ESRRB: variants seen among roughly 807,000 people sequenced by gnomAD.
ESRRB encodes steroid hormone receptor ERR2.
A neutral mutation model predicts 46.0 loss-of-function variants in ESRRB; 16 were observed. The ratio of observed to expected loss-of-function variants is 0.35; its 90% CI spans 0.24 to 0.53. The LOEUF (loss-of-function observed/expected upper bound fraction) is 0.53. Ranked by LOEUF, ESRRB falls within the 20% of genes least tolerant of loss-of-function variation. The pLI is 0.93. For missense variants in ESRRB, 488 were observed against 607.4 expected, an observed-to-expected ratio of 0.80 and a Z score of 2.07; for synonymous variants, 246 against 259.6, an observed-to-expected ratio of 0.95 and a Z score of 0.50.
rs376300660 is a variant in ESRRB, at chr14:76,439,671, C to T, written c.381C>T (p.Cys127=). 5 of 1,614,094 alleles carry T rather than the reference C, an allele frequency of 3.1e-6. No homozygotes were observed. Among genetic ancestry groups the T allele is most frequent in the Middle Eastern group, 1.6e-4 (1 of 6,084 alleles). Residue 127 remains cysteine (C), a synonymous_variant, in exon 2 of 7, where the codon TGC becomes TGT. Coordinates refer to ENST00000644823, the MANE Select transcript of ESRRB (RefSeq NM_001379180.1). ...NAIPKRLCLV[C]GDIASGYHYG... ...TCCCCAAGCGCCTGTGCCTCGTGTGCGGGGACATTGCCTCTGGCTACCACT... is the reference window on the plus strand; with the variant it reads ...TCCCCAAGCGCCTGTGCCTCGTGTGTGGGGACATTGCCTCTGGCTACCACT...
intron 1 of ESRRB, among the ~76,000 whole-genome samples, chr14:76,325,483 CTT>C (rs1021477227): frequency 3.9e-5 from 6 of 152,112 alleles, no homozygotes; most frequent in Admixed American, 1.3e-4. Flanking sequence ...AGAAGGGAAA[CTT>C]ATATTGCTGA....
chr14:76,389,020 C>G (rs748379), intron 1 of ESRRB, among the ~76,000 whole-genome samples: 36,179 of 152,038 alleles, frequency 0.24, 4,417 homozygotes, highest in South Asian at 0.27. Context: ...CCTCATGTCT[C>G]TTTAGGCAGG....
intron 5 of ESRRB, among the ~76,000 whole-genome samples, chr14:76,485,159 T>C (rs777771024): frequency 6.6e-6 from 1 of 151,612 alleles, no homozygotes; most frequent in Non-Finnish European, 1.5e-5. Context: ...GTGTTTAAGG[T>C]AAAATTAATT....
intron 1 of ESRRB, among the ~76,000 whole-genome samples, chr14:76,414,558 C>T (rs1595094107): frequency 2.0e-5 from 3 of 150,626 alleles, no homozygotes; most frequent in East Asian, 2.0e-4. Flanking sequence ...TCTTCGCTTG[C>T]TCTAGTGACC....
rs74894758 is a variant in ESRRB, at chr14:76,326,087, C to T, written c.2+15171C>T. Reference sequence around the variant, plus strand: ...CATCCACCACTGACTGCAATCATATCTGTGCTCAGGGACCCATGCGTTCTC... The same window carrying T: ...CATCCACCACTGACTGCAATCATATTTGTGCTCAGGGACCCATGCGTTCTC... On this transcript the variant is annotated intron_variant, in intron 1 of 6. Transcript: ENST00000512784. Among the ~76,000 whole-genome samples the T allele has an allele frequency of 7.9e-3, 1,197 of 152,332 alleles. 21 individuals are homozygous for T. Among genetic ancestry groups the T allele is most frequent in the African/African-American group, 0.027 (1,126 of 41,564 alleles).
At chr14:76,402,488 C>T (rs980202510) in intron 1 of ESRRB, among the ~76,000 whole-genome samples, 4 of 152,184 alleles carry the variant, frequency 2.6e-5, no homozygotes, top group African/African-American at 9.7e-5. Context: ...GCCATGATGC[C>T]TGTTGAATCC....
chr14:76,356,961 A>C (rs945868724), intron 1 of ESRRB, among the ~76,000 whole-genome samples: 7 of 152,064 alleles, frequency 4.6e-5, no homozygotes, highest in African/African-American at 1.7e-4. Context: ...TCCTCTGAGG[A>C]TCCTCAGGGA....
chr14:76,500,002 G>A lies in ESRRB; in HGVS notation c.*1544G>A, dbSNP rs1449762208. The A allele has an allele frequency of 1.3e-6, 2 of 1,574,640 alleles. No individual in the cohort carries two copies. The highest frequency in any genetic ancestry group is 8.6e-7 in the Non-Finnish European group (1 of 1,159,158). ...GGGATCCCCAATCCACGCCCTTCTAGTCCAACCCCCCTCAATGAGAGAGGC... is the reference window on the plus strand; with the variant it reads ...GGGATCCCCAATCCACGCCCTTCTAATCCAACCCCCCTCAATGAGAGAGGC... On this transcript the variant is annotated 3_prime_UTR_variant, in exon 7 of 7. Transcript: ENST00000644823.
At chr14:76,469,129 T>C (rs9944000) in intron 3 of ESRRB, among the ~76,000 whole-genome samples, 25,331 of 152,112 alleles carry the variant, frequency 0.17, 2,180 homozygotes, top group Middle Eastern at 0.22. Context: ...AGTCTCGCTC[T>C]GTTGCCCTGG....
intron 5 of ESRRB, among the ~76,000 whole-genome samples, chr14:76,489,134 C>T (rs889122661): frequency 6.6e-6 from 1 of 152,122 alleles, no homozygotes; most frequent in African/African-American, 2.4e-5. Context: ...TAGTCCTTAC[C>T]TCATCCTCTC....
intron 1 of ESRRB, among the ~76,000 whole-genome samples, chr14:76,388,114 C>T (rs1436135302): frequency 1.3e-5 from 2 of 152,050 alleles, no homozygotes; most frequent in East Asian, 1.9e-4. Flanking sequence ...TGTGTGCCTG[C>T]ACTCCTCACC....
chr14:76,349,822 A>G (rs148812122), intron 1 of ESRRB, among the ~76,000 whole-genome samples: 122 of 152,244 alleles, frequency 8.0e-4, no homozygotes, highest in African/African-American at 2.9e-3. Flanking sequence ...TAGAGAAGGG[A>G]AAAAGGGAAG....
At position 76,500,979 on chromosome 14, in the gene ESRRB, A is replaced by T; in HGVS notation, c.*2521A>T. ...GGGGTCCATTGGACACTCAGAAAAG[A>T]AGTTCAGGGGCCAACTTCTTAGCTG... On this transcript the variant is annotated 3_prime_UTR_variant, in exon 7 of 7. Transcript: ENST00000644823. 3 of 554,016 alleles carry T rather than the reference A, an allele frequency of 5.4e-6. No homozygotes were observed. In the South Asian group the frequency reaches 6.7e-5, roughly 12 times the overall value. 34.3% of individuals were successfully genotyped at this position (554,016 alleles called of 1,614,324 possible).
intron 1 of ESRRB, among the ~76,000 whole-genome samples, chr14:76,353,849 A>G (rs965033270): frequency 6.6e-6 from 1 of 152,260 alleles, no homozygotes; most frequent in East Asian, 1.9e-4. Context: ...CTTGTGGTCC[A>G]GCTACTCAGG....
At chr14:76,374,149 C>A (rs1415509062), upstream of ESRRB, among the ~76,000 whole-genome samples, 1 of 152,192 alleles carries the variant, frequency 6.6e-6, no homozygotes, top group Non-Finnish European at 1.5e-5. Flanking sequence ...ATTCATTCAG[C>A]AAAATCTTCA....
rs1334292260 is a variant in ESRRB at position 76,491,671 on chromosome 14, A to G, written c.1075A>G (p.Lys359Glu). ...VRRYKKLKVE[K>E]EEFVTLKALA... is the part of the protein sequence containing the mutation. ...CAGGTACAAGAAGCTCAAGGTGGAG[A>G]AGGAGGAGTTTGTGACGCTCAAGGC... The change falls in exon 6 of 7, where the codon AAG (lysine) becomes GAG (glutamate). Residue 359 changes from lysine (K) to glutamate (E), a missense_variant. Transcript: ENST00000644823. 1.3e-6 allele frequency: 2 copies of G among 1,587,602 alleles called. No individual in the cohort carries two copies. Among genetic ancestry groups the G allele is most frequent in the Non-Finnish European group, 1.7e-6 (2 of 1,168,968 alleles).
intron 2 of ESRRB, among the ~76,000 whole-genome samples, chr14:76,461,346 G>A (rs117909138): frequency 0.012 from 1,877 of 152,312 alleles, 10 homozygotes; most frequent in Non-Finnish European, 0.018. Context: ...GTCATTCACT[G>A]CATTCTACCT....
chr14:76,480,026 C>T (rs944393376), intron 3 of ESRRB, among the ~76,000 whole-genome samples: 3 of 152,146 alleles, frequency 2.0e-5, no homozygotes, highest in African/African-American at 4.8e-5. Flanking sequence ...TGCCACCACA[C>T]CTGGCTAATT....
At position 76,323,899 on chromosome 14, in the gene ESRRB, C is replaced by T. The variant is rs117597610; in HGVS notation, c.2+12983C>T. 9.1e-4 allele frequency among the ~76,000 whole-genome samples: 139 copies of T among 152,302 alleles called. 3 individuals are homozygous for T. In the East Asian group the frequency reaches 0.025, roughly 28 times the overall value. On this transcript the variant is annotated intron_variant, in intron 1 of 6. Coordinates refer to the ESRRB transcript ENST00000512784. ...ATTTCCCCCAGAGTGGGCGAGTCTG[C>T]TGCATAACTGGTGCTTCTTCATCTG... is the stretch of plus-strand genomic sequence containing the variant.
Sources: gnomAD v4.1 joint callset for allele counts (sites outside exome capture counted in the v4.1 genomes callset) on GRCh38, gnomAD v4.1.1 for gene constraint, MANE v1.5 for transcripts, NCBI Gene and HGNC (gene_info 2026-07-23, HGNC 2026-07-21) for gene names.